Variants in R3HDM2 observed in about 807,000 individuals in gnomAD.
The protein encoded by R3HDM2 is R3H domain-containing protein 2.
Under a neutral mutation model 124.5 loss-of-function variants are expected in R3HDM2, and 38 were observed. That is an observed-to-expected ratio of 0.31 (90% CI 0.24 to 0.40). The LOEUF is 0.40. R3HDM2 is among the 10% of genes least tolerant of loss of function. The pLI, the probability that R3HDM2 is intolerant of heterozygous loss-of-function variation, is 1.00. For missense variants in R3HDM2, 869 were observed against 1,236.9 expected, an observed-to-expected ratio of 0.70 and a Z score of 4.46; for synonymous variants, 391 against 448.0, an observed-to-expected ratio of 0.87 and a Z score of 1.61.
chr12:57,347,493 G>T (rs892639203), intron 2 of R3HDM2, among the ~76,000 whole-genome samples: 1 of 152,002 alleles, frequency 6.6e-6, no homozygotes, highest in African/African-American at 2.4e-5. Flanking sequence ...ATCAACAAGT[G>T]ATTAAAAAAT....
In R3HDM2 at chr12:57,254,662, T is replaced by C. The variant is rs142972904; in HGVS notation, c.*111A>G. The C allele has an allele frequency of 2.1e-6, 2 of 964,130 alleles. No individual in the cohort carries two copies. Among genetic ancestry groups the C allele is most frequent in the African/African-American group, 1.6e-5 (1 of 60,902 alleles). The allele number at this position is 964,130 out of a possible 1,614,324, so 59.7% of individuals were successfully genotyped here. A position where few individuals can be genotyped will look rare whatever the true frequency, so the allele number is the denominator to read the frequency against. On this transcript the variant is annotated 3_prime_UTR_variant, in exon 24 of 24. Coordinates refer to ENST00000402412, the MANE Select transcript of R3HDM2 (RefSeq NM_001394031.1). Reference sequence around the variant, plus strand: ...TCTTCATCACTGTCTTAGGTTCCAGTTTAACATCAGTTTCCTTACTTCCTG... The same window carrying C: ...TCTTCATCACTGTCTTAGGTTCCAGCTTAACATCAGTTTCCTTACTTCCTG...
chr12:57,256,298 G>T, intron 22 of R3HDM2, 116 bp downstream of exon 22: 1 of 993,550 alleles, frequency 1.0e-6, no homozygotes, highest in Non-Finnish European at 1.5e-6. Flanking sequence ...CAAGGCTCCT[G>T]CTTTGTTCAT....
At chr12:57,351,177 G>C (rs1202240485) in intron 2 of R3HDM2, among the ~76,000 whole-genome samples, 1 of 152,138 alleles carries the variant, frequency 6.6e-6, no homozygotes, top group African/African-American at 2.4e-5. Context: ...TGACGTGGAA[G>C]GACTGCTTGA....
intron 2 of R3HDM2, among the ~76,000 whole-genome samples, chr12:57,319,265 A>G (rs1474758515): frequency 1.3e-5 from 2 of 152,048 alleles, no homozygotes; most frequent in Non-Finnish European, 2.9e-5. Flanking sequence ...CGAACTCCTG[A>G]CCTCAAGTAA....
At chr12:57,282,405 T>C (rs890877118) in intron 13 of R3HDM2, among the ~76,000 whole-genome samples, 1 of 152,010 alleles carries the variant, frequency 6.6e-6, no homozygotes, top group African/African-American at 2.4e-5. Context: ...ATTAAGTAAT[T>C]TGGATTTTAC....
chr12:57,370,009 C>G (rs2063125284), intron 2 of R3HDM2, among the ~76,000 whole-genome samples: 3 of 152,044 alleles, frequency 2.0e-5, no homozygotes, highest in Non-Finnish European at 4.4e-5. Context: ...TAGAAAGTTT[C>G]CTAAAAAATG....
intron 2 of R3HDM2, among the ~76,000 whole-genome samples, chr12:57,345,615 C>A (rs1257445878): frequency 6.6e-6 from 1 of 152,038 alleles, no homozygotes; most frequent in African/African-American, 2.4e-5. Flanking sequence ...CTCACTGCAG[C>A]GTTGAACTTC....
Position 57,271,894 on chromosome 12 carries a change from ATTT to A in R3HDM2, c.1345-1903_1345-1901del, listed in dbSNP as rs377415685. 3.5e-5 allele frequency among the ~76,000 whole-genome samples: 5 copies of A among 143,508 alleles called. No individual in the cohort carries two copies. In the East Asian group the frequency reaches 6.0e-4, roughly 17 times the overall value. The allele number at this position is 143,508 out of a possible 152,430, so 94.1% of individuals were successfully genotyped here. On this transcript the variant is annotated intron_variant, in intron 14 of 23. Coordinates refer to ENST00000402412, the MANE Select transcript of R3HDM2 (RefSeq NM_001394031.1). Reference sequence around the variant, plus strand: ...TGATACCAGAGAAGTCTGCAACTGCATTTTTTTTTTTTTTTGAGACGGAGTCTT... The same window carrying A: ...TGATACCAGAGAAGTCTGCAACTGCATTTTTTTTTTTTGAGACGGAGTCTT...
At chr12:57,356,470 A>G (rs937146028) in intron 2 of R3HDM2, among the ~76,000 whole-genome samples, 3 of 152,214 alleles carry the variant, frequency 2.0e-5, no homozygotes, top group Non-Finnish European at 4.4e-5. Context: ...TCCTTTTCAC[A>G]TATCGTTGGC....
chr12:57,376,351 TTC>T (rs1393688013), intron 2 of R3HDM2, among the ~76,000 whole-genome samples: 7 of 152,230 alleles, frequency 4.6e-5, no homozygotes, highest in Non-Finnish European at 1.0e-4. Context: ...GACAATAACC[TTC>T]TGTTATACAC....
chr12:57,330,005 C>T (rs1357251437), intron 2 of R3HDM2, among the ~76,000 whole-genome samples: 1 of 152,114 alleles, frequency 6.6e-6, no homozygotes, highest in Non-Finnish European at 1.5e-5. Context: ...TGGAGTTTTG[C>T]TCTTATTGCC....
intron 15 of R3HDM2, 146 bp downstream of exon 15, chr12:57,269,605 GA>G: frequency 6.9e-7 from 1 of 1,451,230 alleles, no homozygotes; most frequent in Non-Finnish European, 9.3e-7. Flanking sequence ...ATGTTATATA[GA>G]AAGAAGACTT....
rs2067729620 is a variant in R3HDM2 at position 57,398,073 on chromosome 12, T to A, written c.-105-2255A>T. Reference sequence around the variant, plus strand: ...GGTGGGCACCTGTAATTCCAGCTACTCAGGAGGCTGAAGCAGGAAATCGCT... The same window carrying A: ...GGTGGGCACCTGTAATTCCAGCTACACAGGAGGCTGAAGCAGGAAATCGCT... On this transcript the variant is annotated intron_variant, in intron 1 of 23. Coordinates refer to ENST00000402412, the MANE Select transcript of R3HDM2 (RefSeq NM_001394031.1). Among the ~76,000 whole-genome samples, 5 of 148,256 alleles carry A rather than the reference T, an allele frequency of 3.4e-5. No homozygotes were observed. In the South Asian group the frequency reaches 1.1e-3, roughly 31 times the overall value.
intron 1 of R3HDM2, among the ~76,000 whole-genome samples, chr12:57,427,248 G>A (rs1053423051): frequency 1.3e-5 from 2 of 150,988 alleles, no homozygotes; most frequent in Non-Finnish European, 3.0e-5. Context: ...CTGACATCGT[G>A]CCACTGCACT....
intron 2 of R3HDM2, among the ~76,000 whole-genome samples, chr12:57,333,939 G>T (rs2058534143): frequency 6.6e-6 from 1 of 152,024 alleles, no homozygotes; most frequent in African/African-American, 2.4e-5. Flanking sequence ...CTACTTGGGA[G>T]GCTGAGGCAG....
rs572829003 is a variant in R3HDM2, at chr12:57,421,784, G to A, written c.-106+8936C>T. Among the ~76,000 whole-genome samples the A allele has an allele frequency of 2.6e-5, 4 of 152,220 alleles. No individual in the cohort carries two copies. The South Asian group carries it at 6.2e-4, about 24-fold the overall frequency. On this transcript the variant is annotated intron_variant, in intron 1 of 23. Coordinates refer to ENST00000402412, the MANE Select transcript of R3HDM2 (RefSeq NM_001394031.1). ...AGCCTCCCAAAGTGCTGGATTATAG[G>A]TGTGAGACACTACACCCAGCCTATC...
At chr12:57,300,449 C>CTT (rs2050870140) in intron 4 of R3HDM2, among the ~76,000 whole-genome samples, 1 of 152,170 alleles carries the variant, frequency 6.6e-6, no homozygotes, top group Non-Finnish European at 1.5e-5. Flanking sequence ...ACTCAGCCCT[C>CTT]TTCTCTCTTC....
intron 5 of R3HDM2, 129 bp downstream of exon 5, chr12:57,299,966 A>G: frequency 1.3e-6 from 1 of 746,484 alleles, no homozygotes; most frequent in Non-Finnish European, 2.3e-6. Context: ...CTGTTTTACT[A>G]CAACAGCTTT....
chr12:57,351,694 CTCTA>C (rs780285236), intron 2 of R3HDM2, among the ~76,000 whole-genome samples: 2 of 152,198 alleles, frequency 1.3e-5, no homozygotes, highest in African/African-American at 4.8e-5. Flanking sequence ...AATGGGGTAA[CTCTA>C]TCTGTCTTGC....
Sources: gnomAD v4.1 joint callset for allele counts (sites outside exome capture counted in the v4.1 genomes callset) on GRCh38, gnomAD v4.1.1 for gene constraint, MANE v1.5 for transcripts, NCBI Gene and HGNC (gene_info 2026-07-23, HGNC 2026-07-21) for gene names.